KIF6: variants seen among roughly 807,000 people sequenced by gnomAD.
The protein encoded by KIF6 is kinesin family member 6.
In KIF6, 106 loss-of-function variants were observed where a neutral mutation model predicts 112.7. That is an observed-to-expected ratio of 0.94 (90% CI 0.80 to 1.11). The LOEUF is 1.11. Ranked by LOEUF, KIF6 falls within the 50% of genes least tolerant of loss-of-function variation. The probability of loss-of-function intolerance (pLI) is 0.00; values close to 1 mark genes in which losing one functional copy is unlikely to be tolerated. For missense variants in KIF6, 929 were observed against 964.0 expected (o/e 0.96, Z 0.48); for synonymous variants, 339 against 339.9 (o/e 1.00, Z 0.03).
chr6:39,400,956 C>T (rs141948602), intron 15 of KIF6, among the ~76,000 whole-genome samples: 5 of 152,318 alleles, frequency 3.3e-5, no homozygotes, highest in South Asian at 2.1e-4. Context: ...AGCTGACTAA[C>T]GTCAACAGTC....
At chr6:39,346,686 T>C (rs1320251638) in intron 19 of KIF6, among the ~76,000 whole-genome samples, 160 bp from the exon 20 acceptor site, 1 of 152,188 alleles carries the variant, frequency 6.6e-6, no homozygotes, top group Non-Finnish European at 1.5e-5. Context: ...TCACTCTTGT[T>C]GCCCAAGCTG....
intron 3 of KIF6, among the ~76,000 whole-genome samples, chr6:39,644,188 C>T (rs1012631268): frequency 6.6e-6 from 1 of 151,656 alleles, no homozygotes; most frequent in African/African-American, 2.4e-5. Context: ...ATGAGAAGTG[C>T]TGGTGACAAT....
At chr6:39,619,329 G>T (rs961851793) in intron 5 of KIF6, among the ~76,000 whole-genome samples, 1 of 151,874 alleles carries the variant, frequency 6.6e-6, no homozygotes, top group Non-Finnish European at 1.5e-5. Context: ...AATGTTAATA[G>T]ACTTGGACTC....
chr6:39,399,939 C>T (rs78382329), intron 15 of KIF6, among the ~76,000 whole-genome samples: 3,443 of 152,342 alleles, frequency 0.023, 107 homozygotes, highest in African/African-American at 0.079. Context: ...GGATAGCGTG[C>T]CCAGCAGGCA....
chr6:39,639,820 C>T (rs987893537), intron 3 of KIF6, 63 bp from the exon 4 acceptor site: 27 of 1,399,544 alleles, frequency 1.9e-5, no homozygotes, highest in Non-Finnish European at 2.5e-5. Flanking sequence ...AATTAAATGG[C>T]TTGTATTCTA....
intron 13 of KIF6, among the ~76,000 whole-genome samples, chr6:39,452,341 C>T (rs796954985): frequency 2.0e-5 from 3 of 152,366 alleles, no homozygotes; most frequent in African/African-American, 7.2e-5. Context: ...CTGGCGGATG[C>T]TCCAGGACCT....
At chr6:39,562,723 G>T (rs181086568) in intron 10 of KIF6, among the ~76,000 whole-genome samples, 3 of 152,104 alleles carry the variant, frequency 2.0e-5, no homozygotes, top group Admixed American at 2.0e-4. Flanking sequence ...TATATAAAAA[G>T]TCTAATATAA....
chr6:39,691,918 G>A (rs896587455), intron 3 of KIF6: 1 of 152,102 alleles, frequency 6.6e-6, no homozygotes. Context: ...GTGTAACACC[G>A]TGGCCAATTT....
At chr6:39,339,969 G>A (rs991951121) in intron 22 of KIF6, among the ~76,000 whole-genome samples, 2 of 152,144 alleles carry the variant, frequency 1.3e-5, no homozygotes, top group Non-Finnish European at 2.9e-5. Context: ...ATTAAGATTC[G>A]AGAGCCCAGG....
intron 13 of KIF6, among the ~76,000 whole-genome samples, chr6:39,509,039 G>T (rs568650196): frequency 6.6e-6 from 1 of 152,282 alleles, no homozygotes; most frequent in East Asian, 1.9e-4. Context: ...GAAGGATCAG[G>T]CAGCAATATT....
chr6:39,358,699 A>C (rs1764903210), intron 18 of KIF6, among the ~76,000 whole-genome samples: 2 of 152,248 alleles, frequency 1.3e-5, no homozygotes, highest in Non-Finnish European at 2.9e-5. Context: ...GGGCTCTGCC[A>C]ATGTGGATGG....
chr6:39,620,674 T>C (rs1783763715), intron 5 of KIF6, among the ~76,000 whole-genome samples: 1 of 152,188 alleles, frequency 6.6e-6, no homozygotes, highest in African/African-American at 2.4e-5. Context: ...TTAATTTTCT[T>C]ACACACACTT....
At chr6:39,476,451 G>A (rs1774432560) in intron 13 of KIF6, among the ~76,000 whole-genome samples, 1 of 152,122 alleles carries the variant, frequency 6.6e-6, no homozygotes, top group Non-Finnish European at 1.5e-5. Context: ...TGATGTGAGA[G>A]CATACAGAAA....
At position 39,330,321 on chromosome 6, in the gene KIF6, A is replaced by AG. The variant is rs1175109493; in HGVS notation, c.*6210dup. 1 of 152,278 alleles carries AG rather than the reference A, an allele frequency of 6.6e-6. No individual in the cohort carries two copies. The highest frequency in any genetic ancestry group is 1.5e-5 in the Non-Finnish European group (1 of 68,070). 9.4% of individuals were successfully genotyped at this position (152,278 alleles called of 1,614,324 possible). On this transcript the variant is annotated 3_prime_UTR_variant, in exon 23 of 23. Coordinates refer to ENST00000287152, the MANE Select transcript of KIF6 (RefSeq NM_145027.6). ...ACCCACATGAGGCCTGGACTATGTTAGGGGTGGCCTGCATGGATGACGTTG... is the reference window on the plus strand; with the variant it reads ...ACCCACATGAGGCCTGGACTATGTTAGGGGGTGGCCTGCATGGATGACGTTG...
intron 16 of KIF6, among the ~76,000 whole-genome samples, chr6:39,364,613 T>G (rs1014757189): frequency 6.6e-6 from 1 of 152,228 alleles, no homozygotes; most frequent in African/African-American, 2.4e-5. Flanking sequence ...AGTAGGTGAA[T>G]TACTAACAAT....
chr6:39,514,215 C>G (rs1396695794), intron 13 of KIF6, among the ~76,000 whole-genome samples: 1 of 152,188 alleles, frequency 6.6e-6, no homozygotes, highest in East Asian at 1.9e-4. Context: ...CTTCCCCTGA[C>G]AGTGACATTT....
intron 3 of KIF6, among the ~76,000 whole-genome samples, chr6:39,704,332 G>C (rs1789056039): frequency 6.6e-6 from 1 of 152,112 alleles, no homozygotes; most frequent in South Asian, 2.1e-4. Flanking sequence ...TAAAAAGCTG[G>C]TTCAGGCCAG....
chr6:39,628,249 T>TGC (rs1277600361), intron 5 of KIF6, among the ~76,000 whole-genome samples: 1 of 151,984 alleles, frequency 6.6e-6, no homozygotes, highest in African/African-American at 2.4e-5. Flanking sequence ...CATTTACGTG[T>TGC]GTGTGTGTGT....
At chr6:39,453,296 C>T (rs796135376) in intron 13 of KIF6, among the ~76,000 whole-genome samples, 4 of 152,248 alleles carry the variant, frequency 2.6e-5, no homozygotes, top group African/African-American at 9.6e-5. Context: ...TTAACACTGC[C>T]CAGGACCACA....
Sources: gnomAD v4.1 joint callset for allele counts (sites outside exome capture counted in the v4.1 genomes callset) on GRCh38, gnomAD v4.1.1 for gene constraint, MANE v1.5 for transcripts, NCBI Gene and HGNC (gene_info 2026-07-23, HGNC 2026-07-21) for gene names.